Variants in MLLT3 observed in about 807,000 individuals in gnomAD.
MLLT3 encodes protein AF-9.
In MLLT3, 4 loss-of-function variants were observed where a neutral mutation model predicts 53.2. That is an observed-to-expected ratio of 0.08 (90% confidence interval 0.04 to 0.17). MLLT3 has a LOEUF of 0.17. Among genes scored for constraint, MLLT3 ranks in the 10% least tolerant of loss-of-function variants. MLLT3 has a pLI of 1.00. For synonymous variants in MLLT3, 283 were observed against 230.6 expected (o/e 1.23, Z -2.06); for missense variants, 569 against 684.0 (o/e 0.83, Z 1.87).
chr9:20,410,363 G>A (rs1403601320), intron 5 of MLLT3, among the ~76,000 whole-genome samples: 6 of 152,036 alleles, frequency 3.9e-5, no homozygotes, highest in Admixed American at 1.3e-4. Flanking sequence ...GTGTGTTAAC[G>A]TTTCACCCAC....
chr9:20,386,128 G>C (rs1366726265), intron 5 of MLLT3, among the ~76,000 whole-genome samples: 1 of 152,098 alleles, frequency 6.6e-6, no homozygotes, highest in Non-Finnish European at 1.5e-5. Flanking sequence ...TTGGTTAACA[G>C]GGTCCAAAAA....
In MLLT3 at chr9:20,459,707, G is replaced by A. The variant is rs535197639; in HGVS notation, c.194-2921C>T. Among the ~76,000 whole-genome samples, 36 of 152,182 alleles carry A rather than the reference G, an allele frequency of 2.4e-4. 1 individual carries two copies. In the South Asian group the frequency reaches 7.5e-3, roughly 32 times the overall value. ...CTGTTAATGAGCACATCTTATCGTT[G>A]AATATCTTTGGATTTTTTTTTCCCC... On this transcript the variant is annotated intron_variant, in intron 2 of 10. Coordinates refer to ENST00000380338, the MANE Select transcript of MLLT3 (RefSeq NM_004529.4).
chr9:20,431,702 A>G (rs941716622), intron 4 of MLLT3, among the ~76,000 whole-genome samples: 12 of 152,160 alleles, frequency 7.9e-5, no homozygotes, highest in African/African-American at 2.9e-4. Context: ...AAAAAGGTTC[A>G]TAATTGCAAA....
intron 2 of MLLT3, among the ~76,000 whole-genome samples, chr9:20,587,531 AG>A (rs1820006004): frequency 1.7e-5 from 2 of 120,710 alleles, no homozygotes. Flanking sequence ...CTAAGATAAA[AG>A]AAAAAAAAAT....
chr9:20,550,668 G>A (rs913180806), intron 2 of MLLT3, among the ~76,000 whole-genome samples: 7 of 152,066 alleles, frequency 4.6e-5, no homozygotes, highest in East Asian at 3.9e-4. Flanking sequence ...TAAAATGTTG[G>A]GATTACAGGC....
At position 20,620,644 on chromosome 9, in the gene MLLT3, C is replaced by G. The variant is rs1820977953; in HGVS notation, c.193+10G>C. The stretch of plus-strand genomic sequence containing the variant: ...TTTTTTATCAAGACCCTTTTGTATT[C>G]GAGCCCTACCTCTTTTTGGCCTAGG... On this transcript the variant is annotated intron_variant, in intron 2 of 10. Transcript: ENST00000380338. This position sits in a 1 kb window ranked among gnomAD's most constrained non-coding sequence, Gnocchi z 6.1. 1 of 1,611,704 alleles carries G rather than the reference C, an allele frequency of 6.2e-7. No homozygotes were observed.
chr9:20,403,709 C>G (rs149805996), intron 5 of MLLT3, among the ~76,000 whole-genome samples: 1 of 152,110 alleles, frequency 6.6e-6, no homozygotes, highest in Non-Finnish European at 1.5e-5. Flanking sequence ...ATTAAAATAA[C>G]GCTGCAAAAT....
chr9:20,366,291 C>T (rs887393225), intron 5 of MLLT3, among the ~76,000 whole-genome samples: 6 of 152,088 alleles, frequency 3.9e-5, no homozygotes, highest in South Asian at 2.1e-4. Context: ...TGAGAACATG[C>T]GGTGTTTGGT....
At chr9:20,561,698 G>A (rs564236367) in intron 2 of MLLT3, among the ~76,000 whole-genome samples, 392 of 152,192 alleles carry the variant, frequency 2.6e-3, no homozygotes, top group African/African-American at 8.4e-3. Context: ...ATCTCCACAC[G>A]ACTCAAAGTT....
chr9:20,395,242 T>A (rs1822293219), intron 5 of MLLT3, among the ~76,000 whole-genome samples: 1 of 152,174 alleles, frequency 6.6e-6, no homozygotes, highest in African/African-American at 2.4e-5. Context: ...ACTGGGTATT[T>A]CAAATGGGTA....
chr9:20,484,046 A>C (rs988603294), intron 2 of MLLT3, among the ~76,000 whole-genome samples: 65 of 152,126 alleles, frequency 4.3e-4, no homozygotes, highest in Non-Finnish European at 1.8e-4. Flanking sequence ...ATTAGTAGAT[A>C]TATTCCACTT....
At chr9:20,568,356 G>A (rs1819438714) in intron 2 of MLLT3, among the ~76,000 whole-genome samples, 1 of 152,110 alleles carries the variant, frequency 6.6e-6, no homozygotes, top group Non-Finnish European at 1.5e-5. Flanking sequence ...ATACAAGGCT[G>A]GGGAGGAAGG....
intron 5 of MLLT3, among the ~76,000 whole-genome samples, chr9:20,366,641 C>A (rs1350569808): frequency 6.6e-6 from 1 of 152,214 alleles, no homozygotes; most frequent in Non-Finnish European, 1.5e-5. Context: ...AATGGTTGAA[C>A]TAATTTACAC....
chr9:20,367,811 G>T (rs952789809), intron 5 of MLLT3, among the ~76,000 whole-genome samples: 1 of 152,118 alleles, frequency 6.6e-6, no homozygotes, highest in African/African-American at 2.4e-5. Context: ...ACTAAATGAG[G>T]ATGAGAATCT....
intron 2 of MLLT3, among the ~76,000 whole-genome samples, chr9:20,570,557 C>G (rs181809413): frequency 1.8e-3 from 272 of 152,142 alleles, no homozygotes; most frequent in Admixed American, 3.3e-3. Flanking sequence ...TCTATAACAA[C>G]AAAACAGATT....
In MLLT3 at chr9:20,614,678, A is replaced by G. The variant is rs368891803; in HGVS notation, c.193+5976T>C. Among the ~76,000 whole-genome samples the G allele has an allele frequency of 4.9e-4, 75 of 152,320 alleles. 3 individuals carry two copies. In the South Asian group the frequency reaches 0.016, roughly 32 times the overall value. ...ATTTCATTTGTTTAAAAAAATGAAC[A>G]AGGTTCTTCATAAAAGCTACACCAC... On this transcript the variant is annotated intron_variant, in intron 2 of 10. Transcript: ENST00000380338.
chr9:20,604,496 C>A (rs1212400039), intron 2 of MLLT3, among the ~76,000 whole-genome samples: 1 of 152,014 alleles, frequency 6.6e-6, no homozygotes, highest in African/African-American at 2.4e-5. Flanking sequence ...TATTCCAAGA[C>A]ATGAAAATAT....
intron 2 of MLLT3, among the ~76,000 whole-genome samples, chr9:20,615,360 G>GAAAAAAAAAAA (rs10601830): frequency 1.6e-4 from 8 of 48,774 alleles, no homozygotes; most frequent in South Asian, 1.2e-3. Flanking sequence ...CAGACCATGT[G>GAAAAAAAAAAA]AAAAAAAAAA....
At chr9:20,617,227 T>G (rs944735215) in intron 2 of MLLT3, among the ~76,000 whole-genome samples, 1 of 152,184 alleles carries the variant, frequency 6.6e-6, no homozygotes, top group Non-Finnish European at 1.5e-5. Context: ...CTTCAGCTAG[T>G]AAGCCCTCAA....
Sources: allele counts gnomAD v4.1 joint callset (sites outside exome capture counted in the v4.1 genomes callset), GRCh38; gene constraint gnomAD v4.1.1; non-coding constraint Gnocchi (gnomAD v3.1); transcripts MANE v1.5; gene names NCBI Gene and HGNC (gene_info 2026-07-23, HGNC 2026-07-21).